Variants in BBOX1 observed in about 807,000 individuals in gnomAD.
BBOX1 encodes the protein gamma-butyrobetaine hydroxylase 1, also known as gamma-butyrobetaine dioxygenase.
BBOX1 carries 35 observed loss-of-function variants against 41.6 expected under a neutral mutation model. The ratio of observed to expected loss-of-function variants is 0.84; its 90% confidence interval spans 0.64 to 1.11. BBOX1 has a LOEUF of 1.11. BBOX1 is among the 50% of genes most tolerant of loss of function. BBOX1 has a pLI of 0.00. For missense variants in BBOX1, 458 were observed against 460.6 expected (o/e 0.99, Z 0.05); for synonymous variants, 163 against 154.7 (o/e 1.05, Z -0.40).
chr11:27,090,801 T>A (rs941854320), intron 4 of BBOX1, among the ~76,000 whole-genome samples: 10 of 151,910 alleles, frequency 6.6e-5, no homozygotes, highest in Non-Finnish European at 1.3e-4. Context: ...CAGCCGTTTA[T>A]AGACCTCCCC....
chr11:27,092,456 G>A (rs1030732788), intron 4 of BBOX1, among the ~76,000 whole-genome samples: 3 of 151,944 alleles, frequency 2.0e-5, no homozygotes, highest in African/African-American at 2.4e-5. Context: ...GGAGAGCCCG[G>A]TTTGCAAGCC....
At position 27,127,637 on chromosome 11, in the gene BBOX1, A is replaced by T; in HGVS notation, c.*184A>T. ...ACAATGTCAACTTTTTAGATGTTTC[A>T]CCACTCTTTTGCAAATAAAGCATCC... On this transcript the variant is annotated 3_prime_UTR_variant, in exon 9 of 9. Coordinates refer to ENST00000263182, the MANE Select transcript of BBOX1 (RefSeq NM_003986.3). 1 of 672,878 alleles carries T rather than the reference A, an allele frequency of 1.5e-6. No homozygotes were observed. The highest frequency in any genetic ancestry group is 2.3e-6 in the Non-Finnish European group (1 of 430,608). The allele number at this position is 672,878 out of a possible 1,614,324, so 41.7% of individuals were successfully genotyped here.
intron 5 of BBOX1, among the ~76,000 whole-genome samples, chr11:27,109,335 C>A: frequency 1.3e-5 from 2 of 152,072 alleles, no homozygotes; most frequent in Admixed American, 1.3e-4. Context: ...TTTTGAAATA[C>A]ATTATTGTTC....
chr11:27,054,370 C>T (rs1294792249), intron 2 of BBOX1, among the ~76,000 whole-genome samples: 3 of 152,128 alleles, frequency 2.0e-5, no homozygotes, highest in Admixed American at 6.5e-5. Context: ...CTCTACTTCT[C>T]GCATATAAAT....
intron 4 of BBOX1, among the ~76,000 whole-genome samples, chr11:27,082,544 T>TCCCATTG (rs944636696): frequency 6.6e-6 from 1 of 152,158 alleles, no homozygotes; most frequent in Non-Finnish European, 1.5e-5. Context: ...ACAACCCTTT[T>TCCCATTG]CCCATTGTCT....
intron 4 of BBOX1, among the ~76,000 whole-genome samples, chr11:27,092,296 G>A (rs1266627532): frequency 1.3e-5 from 2 of 151,854 alleles, no homozygotes; most frequent in Non-Finnish European, 2.9e-5. Flanking sequence ...CACTTTTTAG[G>A]AAGGCTTACC....
intron 4 of BBOX1, among the ~76,000 whole-genome samples, chr11:27,084,655 G>A (rs1857970665): frequency 6.6e-6 from 1 of 152,108 alleles, no homozygotes; most frequent in African/African-American, 2.4e-5. Context: ...TCAGTTCAGT[G>A]CAGGTGGACA....
intron 4 of BBOX1, among the ~76,000 whole-genome samples, chr11:27,072,431 G>C (rs10767599): frequency 0.73 from 111,686 of 152,042 alleles, 41,380 homozygotes; most frequent in East Asian, 0.94. Flanking sequence ...AGGACACAAA[G>C]AAATGGAAGA....
Position 27,119,812 on chromosome 11 carries a change from A to G in BBOX1, c.803A>G (p.Asp268Gly). 6.4e-7 allele frequency: 1 copy of G among 1,563,526 alleles called. No individual in the cohort carries two copies. Among genetic ancestry groups the G allele is most frequent in the Non-Finnish European group, 8.6e-7 (1 of 1,158,444 alleles). Reference protein sequence around the residue: ...DFTDIGVDYCDFSVQSKHKII... With the variant: ...DFTDIGVDYCGFSVQSKHKII... ...ACAGACATTGGAGTGGATTACTGTG[A>G]TTTTTCTGTACAATCAAAACATAAA... The change falls in exon 7 of 9, where the codon GAT (aspartate) becomes GGT (glycine). Residue 268 changes from aspartate (D) to glycine (G), a missense_variant. By Grantham distance (94) the Asp-to-Gly change is moderately conservative. Coordinates refer to ENST00000263182, the MANE Select transcript of BBOX1 (RefSeq NM_003986.3).
At position 27,073,108 on chromosome 11, in the gene BBOX1, A is replaced by T. The variant is rs541015244; in HGVS notation, c.334+15793A>T. ...GAGCTTCTGCACAGCAAAAGAAACT[A>T]CCATCAGAGTGAACAGGCAACCTAC... On this transcript the variant is annotated intron_variant, in intron 4 of 8. Transcript: ENST00000263182. 2.0e-5 allele frequency among the ~76,000 whole-genome samples: 3 copies of T among 152,296 alleles called. No individual in the cohort carries two copies. The South Asian group carries it at 6.2e-4, about 32-fold the overall frequency.
intron 4 of BBOX1, among the ~76,000 whole-genome samples, chr11:27,089,816 A>C (rs945830180): frequency 3.9e-5 from 6 of 152,030 alleles, no homozygotes; most frequent in African/African-American, 1.4e-4. Flanking sequence ...TCATGCCCTT[A>C]ACACTGATGT....
intron 3 of BBOX1, among the ~76,000 whole-genome samples, chr11:27,056,094 C>T (rs973488133): frequency 5.3e-5 from 8 of 152,098 alleles, no homozygotes; most frequent in Non-Finnish European, 8.8e-5. Flanking sequence ...ATGTTGTTTA[C>T]TCTTACATTT....
At chr11:27,079,888 A>G (rs974030641) in intron 4 of BBOX1, among the ~76,000 whole-genome samples, 1 of 152,124 alleles carries the variant, frequency 6.6e-6, no homozygotes, top group African/African-American at 2.4e-5. Flanking sequence ...CCAACTTATT[A>G]GAAAGTTATA....
At chr11:27,118,395 A>G (rs1048659884) in intron 6 of BBOX1, among the ~76,000 whole-genome samples, 3 of 152,060 alleles carry the variant, frequency 2.0e-5, no homozygotes, top group African/African-American at 7.2e-5. Flanking sequence ...TTCTATAACA[A>G]ACAGAACAAA....
intron 5 of BBOX1, among the ~76,000 whole-genome samples, chr11:27,105,364 C>A (rs1225079029): frequency 6.6e-6 from 1 of 152,078 alleles, no homozygotes; most frequent in Admixed American, 6.5e-5. Context: ...AGACAAATGG[C>A]TAACTAGAAT....
At position 27,081,756 on chromosome 11, in the gene BBOX1, C is replaced by T. The variant is rs544142383; in HGVS notation, c.335-11412C>T. On this transcript the variant is annotated intron_variant, in intron 4 of 8. Transcript: ENST00000263182. ...TTTTAATGATCGCCATTCTAACTGG[C>T]GTGAGATAGTATTTCATTGTGGTTT... 1.3e-4 allele frequency among the ~76,000 whole-genome samples: 20 copies of T among 152,114 alleles called. No homozygotes were observed. In the South Asian group the frequency reaches 2.9e-3, roughly 22 times the overall value.
intron 4 of BBOX1, among the ~76,000 whole-genome samples, chr11:27,061,345 T>C (rs190821167): frequency 1.3e-5 from 2 of 152,300 alleles, no homozygotes; most frequent in East Asian, 1.9e-4. Flanking sequence ...ATGAATAATA[T>C]AAGAACTGGC....
intron 4 of BBOX1, among the ~76,000 whole-genome samples, chr11:27,081,984 A>G (rs1857855480): frequency 6.6e-6 from 1 of 151,914 alleles, no homozygotes; most frequent in Admixed American, 6.6e-5. Context: ...AGATTGCAAA[A>G]ATTTTCTCCC....
chr11:27,056,351 G>A (rs540235947), intron 3 of BBOX1, among the ~76,000 whole-genome samples: 25 of 152,084 alleles, frequency 1.6e-4, no homozygotes, highest in South Asian at 1.0e-3. Flanking sequence ...TCCGCCTCCC[G>A]GGTTCAAGCA....
Sources: allele counts gnomAD v4.1 joint callset (sites outside exome capture counted in the v4.1 genomes callset), GRCh38; gene constraint gnomAD v4.1.1; transcripts MANE v1.5; gene names NCBI Gene and HGNC (gene_info 2026-07-23, HGNC 2026-07-21).